HTR1F: variants seen among roughly 807,000 people sequenced by gnomAD.
HTR1F encodes the protein 5-hydroxytryptamine (serotonin) receptor 1F, G protein-coupled.
Under a neutral mutation model 24.0 loss-of-function variants are expected in HTR1F, and 17 were observed. The observed-to-expected ratio is 0.71, with a 90% CI of 0.48 to 1.06. HTR1F has a LOEUF of 1.06. HTR1F is among the 50% of genes least tolerant of loss of function. The probability of loss-of-function intolerance (pLI) is 0.00; values close to 1 mark genes in which losing one functional copy is unlikely to be tolerated. For synonymous variants in HTR1F, 186 were observed against 156.8 expected (o/e 1.19, Z -1.39); for missense variants, 391 against 427.8 (o/e 0.91, Z 0.76).
chr3:87,820,239 G>C (rs1397695082), intron 1 of HTR1F, among the ~76,000 whole-genome samples: 6 of 148,124 alleles, frequency 4.1e-5, no homozygotes, highest in Admixed American at 2.7e-4. Flanking sequence ...TGCAGTGGCA[G>C]GATCTCGGCT....
chr3:87,967,457 A>G (rs1319366656), intron 2 of HTR1F, among the ~76,000 whole-genome samples: 2 of 152,010 alleles, frequency 1.3e-5, no homozygotes, highest in African/African-American at 2.4e-5. Context: ...CAAAAAAAAA[A>G]AATAGAATAC....
At chr3:87,932,281 G>A (rs1704296054) in intron 2 of HTR1F, among the ~76,000 whole-genome samples, 1 of 152,036 alleles carries the variant, frequency 6.6e-6, no homozygotes, top group Non-Finnish European at 1.5e-5. Flanking sequence ...AGTTTTCCCA[G>A]CACCATTTAT....
chr3:87,839,965 C>T (rs1704765368), intron 2 of HTR1F, among the ~76,000 whole-genome samples: 1 of 152,060 alleles, frequency 6.6e-6, no homozygotes, highest in Non-Finnish European at 1.5e-5. Context: ...GCATGGTATT[C>T]CATAGTGTAT....
intron 1 of HTR1F, among the ~76,000 whole-genome samples, chr3:87,799,406 A>C (rs761976133): frequency 6.6e-6 from 1 of 152,228 alleles, no homozygotes; most frequent in Non-Finnish European, 1.5e-5. Flanking sequence ...AATAAAAATA[A>C]AATCCTTATC....
chr3:87,795,723 A>C (rs1703893390), intron 1 of HTR1F, among the ~76,000 whole-genome samples: 1 of 152,220 alleles, frequency 6.6e-6, no homozygotes, highest in Non-Finnish European at 1.5e-5. Flanking sequence ...AAGAAATACT[A>C]ATTTCTGATC....
chr3:87,976,697 AT>A (rs1462592473), intron 2 of HTR1F, among the ~76,000 whole-genome samples: 10 of 152,322 alleles, frequency 6.6e-5, no homozygotes, highest in African/African-American at 2.4e-4. Context: ...CCAACCCAAT[AT>A]TTTTCCCTAG....
At chr3:87,861,573 G>A (rs570149605) in intron 2 of HTR1F, among the ~76,000 whole-genome samples, 1 of 151,988 alleles carries the variant, frequency 6.6e-6, no homozygotes, top group Non-Finnish European at 1.5e-5. Flanking sequence ...TTCTGTGCTC[G>A]TATAGAGTAG....
chr3:87,947,592 C>T (rs1366143484), intron 2 of HTR1F, among the ~76,000 whole-genome samples: 3 of 152,004 alleles, frequency 2.0e-5, no homozygotes, highest in African/African-American at 7.2e-5. Flanking sequence ...GCATCTATAG[C>T]ATGGTATGTA....
At chr3:87,935,086 T>G (rs906677522) in intron 2 of HTR1F, among the ~76,000 whole-genome samples, 3 of 152,186 alleles carry the variant, frequency 2.0e-5, no homozygotes, top group African/African-American at 7.2e-5. Flanking sequence ...CAGGCTGGTC[T>G]TGAATCCCTG....
chr3:87,930,813 C>T (rs73141236), intron 2 of HTR1F, among the ~76,000 whole-genome samples: 17,078 of 152,100 alleles, frequency 0.11, 1,180 homozygotes, highest in Non-Finnish European at 0.16. Context: ...GCTACTACTA[C>T]TATTTGTTTA....
intron 2 of HTR1F, among the ~76,000 whole-genome samples, chr3:87,926,524 T>G (rs1259551739): frequency 6.6e-6 from 1 of 152,200 alleles, no homozygotes; most frequent in East Asian, 1.9e-4. Flanking sequence ...TTAATCTTTG[T>G]ATTTTAGACA....
chr3:87,926,181 TGTA>T (rs1427784011), intron 2 of HTR1F, among the ~76,000 whole-genome samples: 2 of 152,210 alleles, frequency 1.3e-5, no homozygotes, highest in Non-Finnish European at 2.9e-5. Flanking sequence ...GGATAAAGCT[TGTA>T]TTAATAAGTC....
At chr3:87,840,230 A>G (rs1192461399) in intron 2 of HTR1F, among the ~76,000 whole-genome samples, 1 of 152,110 alleles carries the variant, frequency 6.6e-6, no homozygotes, top group East Asian at 1.9e-4. Flanking sequence ...GACTTGTTTA[A>G]GACCCTTATA....
chr3:87,924,960 C>T (rs1226226895), intron 2 of HTR1F, among the ~76,000 whole-genome samples: 1 of 152,034 alleles, frequency 6.6e-6, no homozygotes, highest in African/African-American at 2.4e-5. Flanking sequence ...AATAGGTTTA[C>T]TATACTTTCT....
chr3:87,880,187 A>G (rs1164511540), intron 2 of HTR1F, among the ~76,000 whole-genome samples: 3 of 152,172 alleles, frequency 2.0e-5, no homozygotes, highest in African/African-American at 7.2e-5. Flanking sequence ...AGAATGATGG[A>G]CTGAAAAGGG....
chr3:87,916,309 GAAAA>G (rs34801984), intron 2 of HTR1F, among the ~76,000 whole-genome samples: 13,574 of 111,180 alleles, frequency 0.12, 801 homozygotes, highest in African/African-American at 0.2. Flanking sequence ...AAGCAAAAAA[GAAAA>G]AAAAAAAAAA....
intron 2 of HTR1F, among the ~76,000 whole-genome samples, chr3:87,866,815 C>CGTGTGTGTGTGTGTGT (rs370665620): frequency 1.0e-5 from 1 of 99,064 alleles, no homozygotes; most frequent in Non-Finnish European, 1.8e-5. Context: ...CACAAGTGTG[C>CGTGTGTGTGTGTGTGT]GTGCGTGTGT....
chr3:87,861,421 A>AT (rs1451017696), intron 2 of HTR1F, among the ~76,000 whole-genome samples: 1 of 152,086 alleles, frequency 6.6e-6, no homozygotes, highest in African/African-American at 2.4e-5. Flanking sequence ...GAAAATGACA[A>AT]TTTTCCCTAA....
At chr3:87,884,088 C>T (rs1705877348) in intron 2 of HTR1F, among the ~76,000 whole-genome samples, 1 of 152,006 alleles carries the variant, frequency 6.6e-6, no homozygotes, top group African/African-American at 2.4e-5. Flanking sequence ...TAAGGGCAGC[C>T]AGAAAGAAAG....
Sources: allele counts gnomAD v4.1 joint callset (sites outside exome capture counted in the v4.1 genomes callset), GRCh38; gene constraint gnomAD v4.1.1; transcripts MANE v1.5; gene names NCBI Gene and HGNC (gene_info 2026-07-23, HGNC 2026-07-21).